The following PRSS23 variants were observed in gnomAD, a reference collection of about 807,000 sequenced individuals.
The protein encoded by PRSS23 is serine protease 23, also known as protease, serine 23.
Under a neutral mutation model 34.7 loss-of-function variants are expected in PRSS23, and 25 were observed. The ratio of observed to expected loss-of-function variants is 0.72; its 90% confidence interval spans 0.53 to 1.01. The LOEUF (loss-of-function observed/expected upper bound fraction) is 1.01, where lower values mean the gene tolerates loss of function less well. Among genes scored for constraint, PRSS23 ranks in the 50% least tolerant of loss-of-function variants. The probability of loss-of-function intolerance (pLI) is 0.00; values close to 1 mark genes in which losing one functional copy is unlikely to be tolerated. For synonymous variants in PRSS23, 176 were observed against 186.6 expected (o/e 0.94, Z 0.46); for missense variants, 445 against 475.6 (o/e 0.94, Z 0.60).
intron 1 of PRSS23, among the ~76,000 whole-genome samples, chr11:86,823,072 G>T (rs1948265054): frequency 6.6e-6 from 1 of 152,214 alleles, no homozygotes; most frequent in Non-Finnish European, 1.5e-5. Flanking sequence ...CCAGCCTGAA[G>T]GTTTGGGAGG....
chr11:86,930,905 A>C (rs1370599582), intron 2 of PRSS23, among the ~76,000 whole-genome samples: 1 of 152,172 alleles, frequency 6.6e-6, no homozygotes, highest in Non-Finnish European at 1.5e-5. Context: ...TGGCCAGAAC[A>C]CAGAAAAACA....
At chr11:86,882,553 C>T (rs139971739) in intron 2 of PRSS23, among the ~76,000 whole-genome samples, 28 of 152,072 alleles carry the variant, frequency 1.8e-4, no homozygotes, top group African/African-American at 6.5e-4. Context: ...TTTTTAATGC[C>T]TGCATATATT....
At chr11:86,882,020 G>A (rs1948775608) in intron 2 of PRSS23, among the ~76,000 whole-genome samples, 1 of 152,064 alleles carries the variant, frequency 6.6e-6, no homozygotes, top group Non-Finnish European at 1.5e-5. Context: ...TTAAATGTTT[G>A]TCAATTTGGT....
chr11:86,911,559 T>C (rs1321524032), intron 2 of PRSS23: 2 of 152,206 alleles, frequency 1.3e-5, no homozygotes, highest in African/African-American at 2.4e-5. Flanking sequence ...CCACTTATAA[T>C]TGAGAACATG....
chr11:86,839,323 C>G (rs1948430447), intron 2 of PRSS23, among the ~76,000 whole-genome samples: 1 of 151,844 alleles, frequency 6.6e-6, no homozygotes, highest in Non-Finnish European at 1.5e-5. Context: ...AGCTGAAAAC[C>G]ACAGCAGGAG....
Position 86,808,078 on chromosome 11 carries a change from G to T in PRSS23, c.435G>T (p.Leu145=). The change falls in exon 2 of 2, where the codon CTG becomes CTT. Residue 145 remains leucine, a synonymous_variant. Transcript: ENST00000280258. ...TCAGCATTTTTGGGAAGGACTTCCT[G>T]CTCAACTACCCTTTCTCAACATCAG... ...SRFSIFGKDF[L]LNYPFSTSVK... is the part of the protein sequence containing the mutation. 1 of 1,614,116 alleles carries T rather than the reference G, an allele frequency of 6.2e-7. No individual in the cohort carries two copies. Among genetic ancestry groups the T allele is most frequent in the Non-Finnish European group, 8.5e-7 (1 of 1,180,028 alleles).
chr11:86,845,220 A>C (rs1948478036), intron 2 of PRSS23, among the ~76,000 whole-genome samples: 1 of 152,184 alleles, frequency 6.6e-6, no homozygotes, highest in Admixed American at 6.5e-5. Context: ...TGCCACGCAA[A>C]ATATAGACTC....
At chr11:86,940,525 C>A (rs930222843) in intron 2 of PRSS23, among the ~76,000 whole-genome samples, 2 of 152,142 alleles carry the variant, frequency 1.3e-5, no homozygotes, top group Non-Finnish European at 2.9e-5. Context: ...TGCCTTCTTC[C>A]CAGCCCACAG....
rs1378084519 is a variant in PRSS23, at chr11:86,808,309, C to G, written c.666C>G (p.Ile222Met). 1.2e-6 allele frequency: 2 copies of G among 1,614,160 alleles called. No individual in the cohort carries two copies. Among genetic ancestry groups the G allele is most frequent in the Admixed American group, 1.7e-5 (1 of 60,030 alleles). Residue 222 changes from isoleucine to methionine, a missense_variant, in exon 2 of 2, where the codon ATC becomes ATG. Transcript: ENST00000280258. Reference protein sequence around the residue: ...AMPEQMKFQWIRVKRTHVPKG... With the variant: ...AMPEQMKFQWMRVKRTHVPKG... The stretch of plus-strand genomic sequence containing the variant: ...CCGAGCAGATGAAATTTCAGTGGAT[C>G]CGGGTGAAACGCACCCATGTGCCCA...
chr11:86,824,067 A>C (rs1948277158), intron 2 of PRSS23, among the ~76,000 whole-genome samples: 1 of 150,642 alleles, frequency 6.6e-6, no homozygotes, highest in Admixed American at 6.6e-5. Context: ...AAGAGAAGTC[A>C]AAGCCAAAAG....
chr11:86,887,294 A>G (rs1797384666), intron 2 of PRSS23, among the ~76,000 whole-genome samples: 1 of 152,146 alleles, frequency 6.6e-6, no homozygotes. Flanking sequence ...AATGTTTGGT[A>G]GCAGCTTGGG....
intron 2 of PRSS23, among the ~76,000 whole-genome samples, chr11:86,899,098 C>T (rs1423024399): frequency 1.3e-5 from 2 of 152,154 alleles, no homozygotes; most frequent in African/African-American, 2.4e-5. Context: ...CTTCAAACCC[C>T]ACCTGCTTCA....
At position 86,836,581 on chromosome 11, in the gene PRSS23, C is replaced by G. The variant is rs12294742; in HGVS notation, c.206+12988C>G. 3.7e-3 allele frequency among the ~76,000 whole-genome samples: 562 copies of G among 152,306 alleles called. 2 individuals are homozygous for G. The highest frequency in any genetic ancestry group is 6.7e-3 in the Non-Finnish European group (454 of 68,026). ...GCATAATTAGAAAAGCATGTGAAAA[C>G]AGTAAAGCTCCCTAGTCACAACTTA... On this transcript the variant is annotated intron_variant, in intron 2 of 2. Transcript: ENST00000533902.
intron 2 of PRSS23, among the ~76,000 whole-genome samples, chr11:86,916,867 C>T (rs1026218921): frequency 6.6e-6 from 1 of 152,168 alleles, no homozygotes; most frequent in Non-Finnish European, 1.5e-5. Context: ...GTCTGCCACC[C>T]CCACTAAAAA....
At chr11:86,827,684 G>A (rs1246843318) in intron 2 of PRSS23, among the ~76,000 whole-genome samples, 1 of 152,022 alleles carries the variant, frequency 6.6e-6, no homozygotes, top group Admixed American at 6.6e-5. Flanking sequence ...AGAGATTCTG[G>A]TATGTTGTGT....
At chr11:86,825,811 G>T (rs1250590242) in intron 2 of PRSS23, among the ~76,000 whole-genome samples, 1 of 149,790 alleles carries the variant, frequency 6.7e-6, no homozygotes, top group East Asian at 1.9e-4. Flanking sequence ...CGTTATTTCT[G>T]AGGGCTCTGT....
intron 2 of PRSS23, among the ~76,000 whole-genome samples, chr11:86,891,650 T>C (rs1409269397): frequency 2.0e-5 from 3 of 152,242 alleles, no homozygotes; most frequent in Non-Finnish European, 4.4e-5. Context: ...CATTTCGCAC[T>C]ACGTCTGCTA....
In PRSS23 at chr11:86,808,048, C is replaced by T. The variant is rs143530823; in HGVS notation, c.405C>T (p.Ser135=). The T allele has an allele frequency of 1.2e-6, 2 of 1,613,970 alleles. No homozygotes were observed. Among genetic ancestry groups the T allele is most frequent in the Non-Finnish European group, 1.7e-6 (2 of 1,180,026 alleles). The change falls in exon 2 of 2, where the codon AGC becomes AGT. Residue 135 remains serine (S), a synonymous_variant. Coordinates refer to ENST00000280258, the MANE Select transcript of PRSS23 (RefSeq NM_007173.6). ...RRKRQIYGYD[S]RFSIFGKDFL... ...AGCGGCAGATTTATGGCTATGACAG[C>T]AGGTTCAGCATTTTTGGGAAGGACT...
chr11:86,840,184 G>T (rs1427823119), intron 2 of PRSS23, among the ~76,000 whole-genome samples: 1 of 152,132 alleles, frequency 6.6e-6, no homozygotes. Flanking sequence ...AGACCCATCA[G>T]TGTGCTGTAT....
Sources: gnomAD v4.1 joint callset for allele counts (sites outside exome capture counted in the v4.1 genomes callset) on GRCh38, gnomAD v4.1.1 for gene constraint, MANE v1.5 for transcripts, NCBI Gene and HGNC (gene_info 2026-07-23, HGNC 2026-07-21) for gene names.